YPEL2: variants seen among roughly 807,000 people sequenced by gnomAD.
YPEL2 encodes the protein yippee like 2, also known as protein yippee-like 2.
In YPEL2, 2 loss-of-function variants were observed where a neutral mutation model predicts 19.1. That is an observed-to-expected ratio of 0.10 (90% CI 0.04 to 0.33). YPEL2 has a LOEUF of 0.33. YPEL2 is among the 10% of genes least tolerant of loss of function. The pLI is 1.00. For missense variants in YPEL2, 66 were observed against 140.7 expected (o/e 0.47, Z 2.68); for synonymous variants, 52 against 50.0 (o/e 1.04, Z -0.17).
intron 1 of YPEL2, among the ~76,000 whole-genome samples, chr17:59,342,949 G>A (rs538239718): frequency 6.6e-6 from 1 of 152,308 alleles, no homozygotes; most frequent in Non-Finnish European, 1.5e-5. Flanking sequence ...GGTCACTTGG[G>A]AAGCTAACCC....
chr17:59,334,397 G>GC (rs1555568464), intron 1 of YPEL2, among the ~76,000 whole-genome samples: 1 of 128,744 alleles, frequency 7.8e-6, no homozygotes, highest in East Asian at 2.0e-4. Context: ...ATTTGGGGGG[G>GC]GGTGAGGAGT....
At chr17:59,336,805 A>G (rs1382992638) in intron 1 of YPEL2, among the ~76,000 whole-genome samples, 1 of 152,142 alleles carries the variant, frequency 6.6e-6, no homozygotes, top group Non-Finnish European at 1.5e-5. Context: ...GTAAGTAAAG[A>G]CTGAAAATGC....
chr17:59,364,363 C>CA, intron 2 of YPEL2, among the ~76,000 whole-genome samples: 1 of 152,312 alleles, frequency 6.6e-6, no homozygotes, highest in Admixed American at 6.5e-5. Context: ...TTGACAGTGT[C>CA]AAGCGCTGTG....
At chr17:59,376,967 A>T (rs1052508803) in intron 2 of YPEL2, among the ~76,000 whole-genome samples, 2 of 150,476 alleles carry the variant, frequency 1.3e-5, no homozygotes, top group Non-Finnish European at 2.9e-5. Context: ...AAAAAAAAAA[A>T]AAAAAAAACA....
intron 2 of YPEL2, among the ~76,000 whole-genome samples, chr17:59,368,031 T>C (rs1242723073): frequency 6.6e-6 from 1 of 152,222 alleles, no homozygotes; most frequent in African/African-American, 2.4e-5. Flanking sequence ...TATTAAATCC[T>C]ACTGTATGAA....
rs1268168955 is a variant in YPEL2 at position 59,398,232 on chromosome 17, C to T, written c.*1042C>T. 6.6e-6 allele frequency: 1 copy of T among 152,220 alleles called. No individual in the cohort carries two copies. The highest frequency in any genetic ancestry group is 1.5e-5 in the Non-Finnish European group (1 of 68,072). The allele number at this position is 152,220 out of a possible 1,614,324, so 9.4% of individuals were successfully genotyped here. A position where few individuals can be genotyped will look rare whatever the true frequency, so the allele number is the denominator to read the frequency against. On this transcript the variant is annotated 3_prime_UTR_variant, in exon 5 of 5. Coordinates refer to ENST00000312655, the MANE Select transcript of YPEL2 (RefSeq NM_001005404.4). ...GGGTCATCCCAGGAGGAGGGGTTTA[C>T]ATTGGAACCAGTTCAGGTTCGGTGC... is the stretch of plus-strand genomic sequence containing the variant.
chr17:59,389,219 G>C, intron 3 of YPEL2, 141 bp from the exon 4 acceptor site: 1 of 625,374 alleles, frequency 1.6e-6, no homozygotes, highest in South Asian at 2.1e-5. Context: ...CACCTTTTGG[G>C]GATTGGTTTA....
intron 2 of YPEL2, among the ~76,000 whole-genome samples, chr17:59,367,373 C>G (rs1251799587): frequency 6.6e-6 from 1 of 152,168 alleles, no homozygotes; most frequent in African/African-American, 2.4e-5. Flanking sequence ...AGTCTTGATT[C>G]CCTGTTTTTT....
At chr17:59,391,728 C>T (rs1171577741) in intron 4 of YPEL2, among the ~76,000 whole-genome samples, 3 of 152,070 alleles carry the variant, frequency 2.0e-5, no homozygotes, top group East Asian at 1.9e-4. Context: ...AGTGAAACTC[C>T]GTCTCTACCA....
At chr17:59,358,170 G>A (rs148100578) in intron 2 of YPEL2, among the ~76,000 whole-genome samples, 4 of 152,264 alleles carry the variant, frequency 2.6e-5, no homozygotes, top group African/African-American at 9.6e-5. Flanking sequence ...ACAGTGTTCT[G>A]TGTGAGGAGC....
At chr17:59,387,976 A>G (rs2047989232) in intron 2 of YPEL2, among the ~76,000 whole-genome samples, 1 of 152,244 alleles carries the variant, frequency 6.6e-6, no homozygotes, top group Non-Finnish European at 1.5e-5. Context: ...GGCTGAAATC[A>G]GGTGGGACCA....
intron 1 of YPEL2, among the ~76,000 whole-genome samples, chr17:59,340,475 G>T (rs1165765928): frequency 6.7e-6 from 1 of 148,728 alleles, no homozygotes; most frequent in Non-Finnish European, 1.5e-5. Context: ...GAGTGCAGTG[G>T]TGCGATCTCA....
At chr17:59,375,841 AAC>A (rs1172217453) in intron 2 of YPEL2, among the ~76,000 whole-genome samples, 1 of 152,230 alleles carries the variant, frequency 6.6e-6, no homozygotes, top group Non-Finnish European at 1.5e-5. Context: ...CATAAGTTCT[AAC>A]AGAGTGAGCC....
chr17:59,353,243 C>T lies in YPEL2; in HGVS notation c.-167C>T, dbSNP rs1024958224. The T allele has an allele frequency of 1.9e-5, 11 of 581,062 alleles. No homozygotes were observed. The highest frequency in any genetic ancestry group is 7.5e-5 in the African/African-American group (4 of 53,516). 36.0% of individuals were successfully genotyped at this position (581,062 alleles called of 1,614,324 possible). On this transcript the variant is annotated 5_prime_UTR_variant, in exon 2 of 5. Coordinates refer to ENST00000312655, the MANE Select transcript of YPEL2 (RefSeq NM_001005404.4). This position sits in a 1 kb window ranked among gnomAD's most constrained non-coding sequence, Gnocchi z 4.8. ...GCTGAGAACTAGCCCTAGACCTCTG[C>T]GTGAGGGTTCTTCTGCCGAAGACAT...
At chr17:59,345,842 T>C (rs2047753130) in intron 1 of YPEL2, among the ~76,000 whole-genome samples, 1 of 152,136 alleles carries the variant, frequency 6.6e-6, no homozygotes, top group Admixed American at 6.5e-5. Context: ...AATTGCGTTA[T>C]CTCATTTCAT....
At chr17:59,351,638 C>T (rs1463961724) in intron 1 of YPEL2, among the ~76,000 whole-genome samples, 1 of 152,168 alleles carries the variant, frequency 6.6e-6, no homozygotes, top group Non-Finnish European at 1.5e-5. Flanking sequence ...AGAATTATTT[C>T]CCACTTCCAT....
chr17:59,335,867 C>T (rs1425107017), intron 1 of YPEL2, among the ~76,000 whole-genome samples: 1 of 152,124 alleles, frequency 6.6e-6, no homozygotes, highest in East Asian at 1.9e-4. Context: ...CAAATTTTTG[C>T]GTGGCTGACT....
chr17:59,394,084 G>A (rs1433107208), intron 4 of YPEL2, among the ~76,000 whole-genome samples: 1 of 151,976 alleles, frequency 6.6e-6, no homozygotes, highest in Non-Finnish European at 1.5e-5. Flanking sequence ...TTCCCAGTAG[G>A]GGCGGCCGGG....
At chr17:59,387,075 C>T (rs1168731824) in intron 2 of YPEL2, among the ~76,000 whole-genome samples, 1 of 151,956 alleles carries the variant, frequency 6.6e-6, no homozygotes, top group Non-Finnish European at 1.5e-5. Context: ...GTCTGGCCAA[C>T]ATGGTGAAAC....
Sources: allele counts gnomAD v4.1 joint callset (sites outside exome capture counted in the v4.1 genomes callset), GRCh38; gene constraint gnomAD v4.1.1; non-coding constraint Gnocchi (gnomAD v3.1); transcripts MANE v1.5; gene names NCBI Gene and HGNC (gene_info 2026-07-23, HGNC 2026-07-21).